Variants in TCERG1L observed in about 807,000 individuals in gnomAD.
TCERG1L encodes transcription elongation regulator 1 like.
Under a neutral mutation model 56.3 loss-of-function variants are expected in TCERG1L, and 37 were observed. The observed-to-expected ratio is 0.66, with a 90% CI of 0.51 to 0.87. The LOEUF is 0.87. TCERG1L is among the 40% of genes least tolerant of loss of function. TCERG1L has a pLI of 0.00. For synonymous variants in TCERG1L, 324 were observed against 326.3 expected (o/e 0.99, Z 0.08); for missense variants, 799 against 774.2 (o/e 1.03, Z -0.38).
intron 8 of TCERG1L, among the ~76,000 whole-genome samples, chr10:131,131,202 G>A (rs1303203587): frequency 6.6e-6 from 1 of 152,192 alleles, no homozygotes; most frequent in African/African-American, 2.4e-5. Flanking sequence ...TCATTCTTGG[G>A]AGAAGGCGGG....
chr10:131,266,757 C>CCT (rs1846290697), intron 3 of TCERG1L, among the ~76,000 whole-genome samples: 1 of 152,126 alleles, frequency 6.6e-6, no homozygotes, highest in African/African-American at 2.4e-5. Context: ...TAGTTCTCAG[C>CCT]AGAGAGGAGG....
chr10:131,285,454 A>G (rs1846514746), intron 3 of TCERG1L, among the ~76,000 whole-genome samples: 1 of 145,632 alleles, frequency 6.9e-6, no homozygotes, highest in Admixed American at 6.9e-5. Context: ...ACAAAGAAAG[A>G]GAGAGAAAGG....
At chr10:131,293,150 C>T (rs753721470) in intron 3 of TCERG1L, among the ~76,000 whole-genome samples, 2 of 152,188 alleles carry the variant, frequency 1.3e-5, no homozygotes, top group East Asian at 3.8e-4. Flanking sequence ...TATGCCCGGT[C>T]TTATTTCTGT....
At chr10:131,291,322 T>TCTGGGATC (rs1393303155) in intron 3 of TCERG1L, among the ~76,000 whole-genome samples, 1 of 151,058 alleles carries the variant, frequency 6.6e-6, no homozygotes, top group Non-Finnish European at 1.5e-5. Flanking sequence ...TATATATCTG[T>TCTGGGATC]CTGGGATCCT....
At chr10:131,177,539 G>A (rs1352105205) in intron 4 of TCERG1L, among the ~76,000 whole-genome samples, 2 of 152,232 alleles carry the variant, frequency 1.3e-5, no homozygotes, top group African/African-American at 4.8e-5. Context: ...CCAGCACAGG[G>A]CCATTGCAGT....
intron 1 of TCERG1L, among the ~76,000 whole-genome samples, chr10:131,310,895 C>G (rs1846882648): frequency 6.6e-6 from 1 of 152,256 alleles, no homozygotes; most frequent in Non-Finnish European, 1.5e-5. Context: ...AGCTTGCTTT[C>G]AAGTCTGGCA....
In TCERG1L at chr10:131,311,656, G is replaced by A. The variant is rs1846903218; in HGVS notation, c.-21C>T. On this transcript the variant is annotated 5_prime_UTR_variant, in exon 1 of 12. Coordinates refer to ENST00000368642, the MANE Select transcript of TCERG1L (RefSeq NM_174937.4). This position sits in a 1 kb window ranked among gnomAD's most constrained non-coding sequence, Gnocchi z 4.0. ...TGCATCCTACATCCCCGCGCTGACG[G>A]CGGCGGCGGGGGCGGCGGGCGCCCG... The A allele has an allele frequency of 9.1e-7, 1 of 1,104,168 alleles. No homozygotes were observed. Among genetic ancestry groups the A allele is most frequent in the Non-Finnish European group, 1.1e-6 (1 of 904,494 alleles). The allele number at this position is 1,104,168 out of a possible 1,614,324, so 68.4% of individuals were successfully genotyped here. A position where few individuals can be genotyped will look rare whatever the true frequency, so the allele number is the denominator to read the frequency against.
chr10:131,225,419 C>G (rs991477932), intron 4 of TCERG1L, among the ~76,000 whole-genome samples: 11 of 152,278 alleles, frequency 7.2e-5, no homozygotes, highest in African/African-American at 2.6e-4. Context: ...ATTCTACCCA[C>G]CTGAGAAGGG....
chr10:131,195,653 C>T (rs903602794), intron 4 of TCERG1L, among the ~76,000 whole-genome samples: 3 of 152,214 alleles, frequency 2.0e-5, no homozygotes, highest in Admixed American at 6.5e-5. Context: ...GCTCCCTGCA[C>T]GCTCAGGGCT....
chr10:131,129,678 T>G (rs980571226), intron 8 of TCERG1L, among the ~76,000 whole-genome samples: 2 of 152,200 alleles, frequency 1.3e-5, no homozygotes, highest in Non-Finnish European at 2.9e-5. Context: ...CTGTTTGTCT[T>G]TGATGGAAAT....
At chr10:131,297,267 T>C (rs1442056235) in intron 3 of TCERG1L, among the ~76,000 whole-genome samples, 1 of 152,212 alleles carries the variant, frequency 6.6e-6, no homozygotes, top group Non-Finnish European at 1.5e-5. Context: ...TTTTTTGTAT[T>C]GTTTTGTTTT....
intron 4 of TCERG1L, among the ~76,000 whole-genome samples, chr10:131,177,618 C>T (rs756264057): frequency 3.3e-5 from 5 of 152,220 alleles, no homozygotes; most frequent in Non-Finnish European, 2.9e-5. Context: ...TCCCCTTTTA[C>T]GGGCGTTAAC....
chr10:131,216,595 T>A (rs139916135), intron 4 of TCERG1L, among the ~76,000 whole-genome samples: 40 of 152,340 alleles, frequency 2.6e-4, no homozygotes, highest in African/African-American at 9.4e-4. Context: ...TGAAACTCAA[T>A]AACTACCATT....
intron 3 of TCERG1L, among the ~76,000 whole-genome samples, chr10:131,298,280 T>C (rs1391093648): frequency 6.6e-6 from 1 of 152,232 alleles, no homozygotes; most frequent in African/African-American, 2.4e-5. Context: ...TATTTTCTTA[T>C]TTCCACTGTC....
chr10:131,106,776 A>C (rs552007513), intron 9 of TCERG1L, among the ~76,000 whole-genome samples: 2 of 152,324 alleles, frequency 1.3e-5, no homozygotes, highest in African/African-American at 2.4e-5. Flanking sequence ...CACATTCTTA[A>C]AATATTCTTC....
rs530476104 is a variant in TCERG1L at position 131,212,983 on chromosome 10, T to A, written c.857-46098A>T. On this transcript the variant is annotated intron_variant, in intron 4 of 11. Coordinates refer to ENST00000368642, the MANE Select transcript of TCERG1L (RefSeq NM_174937.4). ...TGCGGATTGACCTGCACAAGCATAT[T>A]GAATCTGAAGACTTTAGTCACCCAT... Among the ~76,000 whole-genome samples the A allele has an allele frequency of 8.5e-5, 13 of 152,326 alleles. No individual in the cohort carries two copies. The South Asian group carries it at 2.5e-3, about 29-fold the overall frequency.
At chr10:131,278,169 C>G (rs1215214157) in intron 3 of TCERG1L, among the ~76,000 whole-genome samples, 1 of 151,938 alleles carries the variant, frequency 6.6e-6, no homozygotes, top group Non-Finnish European at 1.5e-5. Context: ...GACTCTGAAA[C>G]CCCAGGCAGA....
chr10:131,099,263 G>A (rs756457965), intron 10 of TCERG1L, among the ~76,000 whole-genome samples: 1 of 152,250 alleles, frequency 6.6e-6, no homozygotes, highest in African/African-American at 2.4e-5. Context: ...CCCGCATAAC[G>A]AGATGCAATC....
intron 4 of TCERG1L, among the ~76,000 whole-genome samples, chr10:131,259,717 G>A (rs2133542101): frequency 6.6e-6 from 1 of 152,338 alleles, no homozygotes; most frequent in South Asian, 2.1e-4. Context: ...CTGCATTAAT[G>A]AGCTCAAATG....
Sources: gnomAD v4.1 joint callset for allele counts (sites outside exome capture counted in the v4.1 genomes callset) on GRCh38, gnomAD v4.1.1 for gene constraint, Gnocchi (gnomAD v3.1) non-coding constraint, MANE v1.5 for transcripts, NCBI Gene and HGNC (gene_info 2026-07-23, HGNC 2026-07-21) for gene names.